Variants in EYS observed in about 807,000 individuals in gnomAD.
EYS encodes the protein protein eyes shut homolog.
A neutral mutation model predicts 282.1 loss-of-function variants in EYS; 250 were observed. The observed-to-expected ratio is 0.89, with a 90% CI of 0.80 to 0.98. The LOEUF is 0.98. Ranked by LOEUF, EYS falls within the 50% of genes least tolerant of loss-of-function variation. The probability of loss-of-function intolerance (pLI) is 0.00; values close to 1 mark genes in which losing one functional copy is unlikely to be tolerated. For synonymous variants in EYS, 1,355 were observed against 1,282.9 expected, an observed-to-expected ratio of 1.06 and a Z score of -1.20; for missense variants, 4,016 against 3,709.0, an observed-to-expected ratio of 1.08 and a Z score of -2.15.
At chr6:65,369,135 C>T (rs939704771) in intron 8 of EYS, among the ~76,000 whole-genome samples, 4 of 149,996 alleles carry the variant, frequency 2.7e-5, no homozygotes, top group Non-Finnish European at 3.0e-5. Flanking sequence ...TAATAATATA[C>T]ATAGAGGAAA....
chr6:64,274,503 T>TTTTTTTC (rs55928528), intron 30 of EYS, among the ~76,000 whole-genome samples: 1 of 148,036 alleles, frequency 6.8e-6, no homozygotes. Context: ...TTTTTTTTTT[T>TTTTTTTC]ACAAATCAGC....
intron 28 of EYS, among the ~76,000 whole-genome samples, chr6:64,399,213 C>A (rs962656448): frequency 6.6e-6 from 1 of 151,504 alleles, no homozygotes; most frequent in Non-Finnish European, 1.5e-5. Context: ...TAACATAAAA[C>A]AATATATATG....
intron 31 of EYS, among the ~76,000 whole-genome samples, chr6:64,147,542 G>T (rs1221795337): frequency 2.6e-5 from 4 of 152,146 alleles, no homozygotes; most frequent in Non-Finnish European, 4.4e-5. Context: ...CTATTACATA[G>T]ATGAGGGAAG....
At chr6:65,676,415 A>G (rs1450022586) in intron 1 of EYS, among the ~76,000 whole-genome samples, 1 of 151,882 alleles carries the variant, frequency 6.6e-6, no homozygotes, top group African/African-American at 2.4e-5. Context: ...AGATTATAAA[A>G]GAGTATTACA....
At chr6:63,813,662 T>G (rs2149682513) in intron 36 of EYS, among the ~76,000 whole-genome samples, 1 of 152,258 alleles carries the variant, frequency 6.6e-6, no homozygotes, top group Non-Finnish European at 1.5e-5. Context: ...CTGTGGGTGA[T>G]TTTTTCTTGG....
intron 12 of EYS, among the ~76,000 whole-genome samples, chr6:65,158,676 A>T (rs572097323): frequency 6.0e-5 from 9 of 151,054 alleles, no homozygotes; most frequent in African/African-American, 2.2e-4. Context: ...CAAGGAAATT[A>T]TTCATAACCT....
chr6:65,379,270 G>A (rs186251676), intron 8 of EYS, among the ~76,000 whole-genome samples: 146 of 152,032 alleles, frequency 9.6e-4, no homozygotes, highest in African/African-American at 3.2e-3. Flanking sequence ...TATCCACCAC[G>A]ACCAATTTGG....
chr6:63,961,621 T>TA (rs1347653718), intron 35 of EYS, among the ~76,000 whole-genome samples: 1 of 152,136 alleles, frequency 6.6e-6, no homozygotes, highest in Non-Finnish European at 1.5e-5. Flanking sequence ...TCTATATTTA[T>TA]AAAAAAGCCT....
At chr6:64,806,444 T>A (rs1287773642) in intron 22 of EYS, among the ~76,000 whole-genome samples, 2 of 152,046 alleles carry the variant, frequency 1.3e-5, no homozygotes, top group Non-Finnish European at 2.9e-5. Context: ...ATATTTTTTT[T>A]AACAATATTA....
chr6:64,210,421 T>G (rs1489864309), intron 31 of EYS, among the ~76,000 whole-genome samples: 1 of 152,200 alleles, frequency 6.6e-6, no homozygotes, highest in Non-Finnish European at 1.5e-5. Flanking sequence ...GTTTTCTCTG[T>G]GAGCCTGTAT....
intron 31 of EYS, among the ~76,000 whole-genome samples, chr6:64,185,625 A>G (rs1192061950): frequency 6.6e-6 from 1 of 152,198 alleles, no homozygotes; most frequent in Non-Finnish European, 1.5e-5. Context: ...AATCAAAAAG[A>G]GCAGGTCTAA....
In EYS at chr6:65,062,585, T is replaced by C. The variant is rs115013578; in HGVS notation, c.2024-4858A>G. On this transcript the variant is annotated intron_variant, in intron 12 of 42. Transcript: ENST00000503581. ...AGTACTCCAAACTCCTTACCTTATA[T>C]GATAAGGCCCTGAAAACCTTTGAGT... Among the ~76,000 whole-genome samples the C allele has an allele frequency of 7.5e-3, 1,145 of 152,096 alleles. 18 individuals carry two copies. The highest frequency in any genetic ancestry group is 0.025 in the African/African-American group (1,049 of 41,554).
At chr6:63,887,629 A>G (rs1466090967) in intron 35 of EYS, among the ~76,000 whole-genome samples, 1 of 152,216 alleles carries the variant, frequency 6.6e-6, no homozygotes, top group Non-Finnish European at 1.5e-5. Context: ...TCTGGCCCAA[A>G]TACTACACTT....
intron 19 of EYS, among the ~76,000 whole-genome samples, chr6:64,854,576 A>G (rs1188020852): frequency 1.6e-5 from 2 of 122,570 alleles, no homozygotes; most frequent in African/African-American, 6.3e-5. Flanking sequence ...GGAACATCAC[A>G]CACGGGGGCC....
At chr6:65,699,428 A>G (rs569677408) in intron 1 of EYS, among the ~76,000 whole-genome samples, 344 of 150,976 alleles carry the variant, frequency 2.3e-3, no homozygotes, top group Non-Finnish European at 4.0e-3. Flanking sequence ...TGGTAATTAC[A>G]AAACAAAAAA....
At chr6:63,990,180 G>A (rs1418839950) in intron 34 of EYS, among the ~76,000 whole-genome samples, 2 of 151,626 alleles carry the variant, frequency 1.3e-5, no homozygotes, top group Non-Finnish European at 3.0e-5. Context: ...AAAAAAATTT[G>A]TTGCAAAATA....
At chr6:64,820,859 A>G (rs1176540176) in intron 21 of EYS, among the ~76,000 whole-genome samples, 1 of 152,104 alleles carries the variant, frequency 6.6e-6, no homozygotes, top group Admixed American at 6.6e-5. Context: ...ATTCTCACAC[A>G]TGACCCTGTG....
Position 64,912,627 on chromosome 6 carries a change from A to G in EYS, c.2498T>C (p.Phe833Ser), listed in dbSNP as rs1240390597. The change falls in exon 16 of 43, where the codon TTT (phenylalanine) becomes TCT (serine). Residue 833 changes from phenylalanine to serine, a missense_variant. By Grantham distance (155) the Phe-to-Ser change is radical. Transcript: ENST00000503581. ...ATAAAGGGGTGGGCACAGACATACA[A>G]ATTGTCCAGGGATGGTAGATTCATG... ...LCHESTIPGQ[F>S]VCLCPPLYTG... 32 of 1,550,978 alleles carry G rather than the reference A, an allele frequency of 2.1e-5. No individual in the cohort carries two copies. The Admixed American group carries it at 5.9e-4, about 29-fold the overall frequency.
chr6:63,767,412 T>A (rs1769816131), intron 40 of EYS, among the ~76,000 whole-genome samples: 2 of 152,010 alleles, frequency 1.3e-5, no homozygotes, highest in South Asian at 4.1e-4. Flanking sequence ...TGTACAAAAA[T>A]CAGTAGCATG....
Sources: gnomAD v4.1 joint callset for allele counts (sites outside exome capture counted in the v4.1 genomes callset) on GRCh38, gnomAD v4.1.1 for gene constraint, MANE v1.5 for transcripts, NCBI Gene and HGNC (gene_info 2026-07-23, HGNC 2026-07-21) for gene names.